Variants in ENOX2 observed in about 807,000 individuals in gnomAD.
ENOX2 encodes the protein APK1 antigen.
A neutral mutation model predicts 45.0 loss-of-function variants in ENOX2; 36 were observed. That is an observed-to-expected ratio of 0.80 (90% CI 0.61 to 1.06). The LOEUF is 1.06. Ranked by LOEUF, ENOX2 falls within the 50% of genes least tolerant of loss-of-function variation. ENOX2 has a pLI of 0.00. For missense variants in ENOX2, 423 were observed against 462.5 expected, an observed-to-expected ratio of 0.91 and a Z score of 0.78; for synonymous variants, 174 against 152.3, an observed-to-expected ratio of 1.14 and a Z score of -1.05.
At chrX:130,717,156 AG>A (rs1242980628) in intron 3 of ENOX2, among the ~76,000 whole-genome samples, 1 of 112,274 alleles carries the variant, frequency 8.9e-6, no homozygotes, top group East Asian at 2.8e-4. Flanking sequence ...TCCACATGGA[AG>A]AAAAGCTGTA....
At chrX:130,839,842 A>C (rs976899892) in intron 2 of ENOX2, among the ~76,000 whole-genome samples, 16 of 112,062 alleles carry the variant, frequency 1.4e-4, no homozygotes, top group African/African-American at 4.9e-4. Context: ...TCATACAATA[A>C]ATATGTTTAA....
intron 3 of ENOX2, among the ~76,000 whole-genome samples, chrX:130,720,106 T>C (rs1009370178): frequency 8.9e-6 from 1 of 112,268 alleles, no homozygotes; most frequent in African/African-American, 3.2e-5. Context: ...TGCATTAGAA[T>C]CAATCTGAGT....
intron 2 of ENOX2, among the ~76,000 whole-genome samples, chrX:130,886,265 C>T (rs1348275005): frequency 8.9e-6 from 1 of 112,746 alleles, no homozygotes; most frequent in Non-Finnish European, 1.9e-5. Context: ...CAAAATAGAA[C>T]ATGATCTTTT....
intron 3 of ENOX2, among the ~76,000 whole-genome samples, chrX:130,767,355 T>C (rs1167839979): frequency 8.9e-6 from 1 of 111,925 alleles, no homozygotes; most frequent in Non-Finnish European, 1.9e-5. Context: ...AGGCATATGA[T>C]AAGTATTTGT....
At chrX:130,760,556 G>A (rs751102957) in intron 3 of ENOX2, among the ~76,000 whole-genome samples, 1 of 109,460 alleles carries the variant, frequency 9.1e-6, no homozygotes, top group Non-Finnish European at 1.9e-5. Context: ...AGGAGGCTGA[G>A]GCAGGTGGAT....
chrX:130,841,422 C>G (rs1056594205), intron 2 of ENOX2, among the ~76,000 whole-genome samples: 1 of 111,716 alleles, frequency 9.0e-6, no homozygotes, highest in Non-Finnish European at 1.9e-5. Flanking sequence ...AATTTAGGAC[C>G]AGGCTCGCTT....
At chrX:130,855,448 G>A (rs749967146) in intron 2 of ENOX2, among the ~76,000 whole-genome samples, 3 of 111,426 alleles carry the variant, frequency 2.7e-5, no homozygotes, top group South Asian at 3.7e-4. Context: ...ATCAATAAAC[G>A]GAGACACATA....
intron 2 of ENOX2, among the ~76,000 whole-genome samples, chrX:130,848,785 G>T (rs1402277377): frequency 9.0e-6 from 1 of 110,824 alleles, no homozygotes; most frequent in Admixed American, 9.6e-5. Flanking sequence ...GACAGAGTGA[G>T]ACTGTCAAAA....
At chrX:130,721,986 G>A (rs1439891260) in intron 3 of ENOX2, among the ~76,000 whole-genome samples, 2 of 111,689 alleles carry the variant, frequency 1.8e-5, no homozygotes, top group East Asian at 5.6e-4. Context: ...ATCTAGATGC[G>A]ACTTTATAGT....
chrX:130,649,360 C>A (rs2036340495), intron 10 of ENOX2, among the ~76,000 whole-genome samples: 1 of 109,522 alleles, frequency 9.1e-6, no homozygotes, highest in Non-Finnish European at 1.9e-5. Flanking sequence ...ACATTCTGTA[C>A]TCCTAAAAGG....
chrX:130,677,885 G>A lies in ENOX2; in HGVS notation c.460+1657C>T, dbSNP rs761559341. ...GTGGATCACCTGAGGTCAGGAGTTC[G>A]AGACCAGCCTGGCCAACAAGGTGAA... On this transcript the variant is annotated intron_variant, in intron 6 of 14. Coordinates refer to ENST00000394363, the MANE Select transcript of ENOX2 (RefSeq NM_006375.4). Among the ~76,000 whole-genome samples the A allele has an allele frequency of 9.0e-5, 10 of 110,663 alleles. No homozygotes were observed. In the South Asian group the frequency reaches 3.5e-3, roughly 39 times the overall value.
intron 3 of ENOX2, among the ~76,000 whole-genome samples, chrX:130,707,145 C>G (rs1347197033): frequency 8.9e-6 from 1 of 111,984 alleles, no homozygotes; most frequent in African/African-American, 3.2e-5. Context: ...TGGCAGCAGC[C>G]AAGAATATTC....
At chrX:130,650,450 G>T (rs767118707) in intron 10 of ENOX2, among the ~76,000 whole-genome samples, 8 of 112,022 alleles carry the variant, frequency 7.1e-5, no homozygotes, top group African/African-American at 9.7e-5. Context: ...GAAATGAGGG[G>T]TTTTTGTCAT....
chrX:130,888,434 A>AACT (rs1395967037), intron 2 of ENOX2, among the ~76,000 whole-genome samples: 31 of 112,159 alleles, frequency 2.8e-4, no homozygotes, highest in African/African-American at 9.7e-4. Context: ...ACAACTTTCT[A>AACT]ACTATGTGAC....
In ENOX2 at chrX:130,622,510, A is replaced by T. The variant is rs1197242744; in HGVS notation, c.*2804T>A. The stretch of plus-strand genomic sequence containing the variant: ...GGTAATAATAAAGTCAGAATTAGAG[A>T]TGTCACAGGACTAGGGAAGGAGATA... On this transcript the variant is annotated 3_prime_UTR_variant, in exon 15 of 15. Transcript: ENST00000394363. Among the ~76,000 whole-genome samples the T allele has an allele frequency of 4.5e-5, 5 of 112,039 alleles. No individual in the cohort carries two copies. The East Asian group carries it at 1.4e-3, about 31-fold the overall frequency.
intron 3 of ENOX2, chrX:130,709,404 G>A (rs560539898): frequency 7.6e-5 from 50 of 654,132 alleles, no homozygotes; most frequent in Middle Eastern, 6.1e-4. Context: ...TTTGGGAGGC[G>A]GAGGTGGGTG....
At chrX:130,671,414 C>T (rs754036970) in intron 6 of ENOX2, among the ~76,000 whole-genome samples, 3 of 111,290 alleles carry the variant, frequency 2.7e-5, no homozygotes, top group African/African-American at 9.8e-5. Context: ...AGTTTTTGGG[C>T]CTCAGCACAG....
chrX:130,685,568 T>G (rs1473828864), intron 5 of ENOX2, among the ~76,000 whole-genome samples: 2 of 112,329 alleles, frequency 1.8e-5, no homozygotes, highest in Non-Finnish European at 3.8e-5. Flanking sequence ...CAGACATATG[T>G]TGTTAGGTAG....
At chrX:130,755,424 T>C (rs984523488) in intron 3 of ENOX2, among the ~76,000 whole-genome samples, 1 of 111,292 alleles carries the variant, frequency 9.0e-6, no homozygotes, top group African/African-American at 3.3e-5. Flanking sequence ...AACATCTAAA[T>C]AGCACTGGAA....
Sources: gnomAD v4.1 joint callset for allele counts (sites outside exome capture counted in the v4.1 genomes callset) on GRCh38, gnomAD v4.1.1 for gene constraint, MANE v1.5 for transcripts, NCBI Gene and HGNC (gene_info 2026-07-23, HGNC 2026-07-21) for gene names.